Variants in MCC observed in about 807,000 individuals in gnomAD.
MCC encodes the protein MCC regulator of Wnt signaling pathway, also known as colorectal mutant cancer protein.
Under a neutral mutation model 116.2 loss-of-function variants are expected in MCC, and 90 were observed. That is an observed-to-expected ratio of 0.77 (90% CI 0.65 to 0.92). The LOEUF is 0.92. Among genes scored for constraint, MCC ranks in the 40% least tolerant of loss-of-function variants. The probability of loss-of-function intolerance (pLI) is 0.00; values close to 1 mark genes in which losing one functional copy is unlikely to be tolerated. For missense variants in MCC, 1,516 were observed against 1,312.2 expected, an observed-to-expected ratio of 1.16 and a Z score of -2.40; for synonymous variants, 578 against 510.5, an observed-to-expected ratio of 1.13 and a Z score of -1.78.
At chr5:113,404,097 C>T (rs1044849708) in intron 1 of MCC, among the ~76,000 whole-genome samples, 7 of 152,066 alleles carry the variant, frequency 4.6e-5, no homozygotes, top group African/African-American at 1.4e-4. Flanking sequence ...GAACTCCTGA[C>T]CTCAGGTGAT....
intron 1 of MCC, among the ~76,000 whole-genome samples, chr5:113,481,195 C>G (rs1229242344): frequency 6.6e-6 from 1 of 152,076 alleles, no homozygotes; most frequent in Non-Finnish European, 1.5e-5. Context: ...TATATATGTA[C>G]AAGAGTGCAA....
At chr5:113,435,730 TAGG>T (rs1316772687) in intron 1 of MCC, 1 of 152,374 alleles carries the variant, frequency 6.6e-6, no homozygotes, top group Non-Finnish European at 1.5e-5. Context: ...AGCAGCTCTG[TAGG>T]AGGACAGCTG....
At chr5:113,119,387 G>C (rs114555004) in intron 6 of MCC, among the ~76,000 whole-genome samples, 1 of 152,188 alleles carries the variant, frequency 6.6e-6, no homozygotes, top group Non-Finnish European at 1.5e-5. Context: ...GGGGGGCCTT[G>C]GTGGAGACAG....
intron 2 of MCC, among the ~76,000 whole-genome samples, chr5:113,360,832 C>T (rs1420835953): frequency 3.3e-5 from 5 of 152,146 alleles, no homozygotes; most frequent in African/African-American, 1.2e-4. Context: ...CTGCCAATGT[C>T]ATTGTAGAGT....
rs1750429710 is a variant in MCC, at chr5:113,024,990, A to C, written c.*2312T>G. The C allele has an allele frequency of 6.7e-6, 1 of 149,464 alleles. No individual in the cohort carries two copies. The highest frequency in any genetic ancestry group is 2.5e-5 in the African/African-American group (1 of 40,214). The allele number at this position is 149,464 out of a possible 1,614,324, so 9.3% of individuals were successfully genotyped here. On this transcript the variant is annotated 3_prime_UTR_variant, in exon 19 of 19. Coordinates refer to ENST00000408903, the MANE Select transcript of MCC (RefSeq NM_001085377.2). ...AGCATGAGTAAAACTGGGGCCCTTA[A>C]CAGGAGCTGGAGCCGCCTCTGCCTG...
At chr5:113,034,930 G>A (rs1561737132) in intron 17 of MCC, among the ~76,000 whole-genome samples, 3 of 152,064 alleles carry the variant, frequency 2.0e-5, no homozygotes, top group Non-Finnish European at 4.4e-5. Context: ...ACAAAATACT[G>A]GGTGTTGTTT....
At chr5:113,420,433 T>G (rs945385462) in intron 1 of MCC, among the ~76,000 whole-genome samples, 1 of 152,144 alleles carries the variant, frequency 6.6e-6, no homozygotes, top group African/African-American at 2.4e-5. Context: ...TTGAGCAACT[T>G]TATAAGGTTT....
At chr5:113,249,373 C>T (rs1294784982) in intron 3 of MCC, among the ~76,000 whole-genome samples, 1 of 152,206 alleles carries the variant, frequency 6.6e-6, no homozygotes, top group Admixed American at 6.5e-5. Flanking sequence ...GACTTACCAA[C>T]TTTACTGAGA....
At chr5:113,258,950 T>C (rs759044404) in intron 3 of MCC, among the ~76,000 whole-genome samples, 2 of 152,238 alleles carry the variant, frequency 1.3e-5, no homozygotes, top group Non-Finnish European at 2.9e-5. Flanking sequence ...TCTGTACTAC[T>C]CCGACCACAT....
chr5:113,224,860 G>C (rs1763676810), intron 3 of MCC, among the ~76,000 whole-genome samples: 1 of 152,186 alleles, frequency 6.6e-6, no homozygotes, highest in Non-Finnish European at 1.5e-5. Context: ...CTTAGGAAAA[G>C]ATTTGCCACA....
In MCC at chr5:113,085,282, C is replaced by T; in HGVS notation, c.1427G>A (p.Ser476Asn). 1 of 1,613,910 alleles carries T rather than the reference C, an allele frequency of 6.2e-7. No individual in the cohort carries two copies. The highest frequency in any genetic ancestry group is 1.1e-5 in the South Asian group (1 of 91,042). The change falls in exon 9 of 19, where the codon AGC (serine) becomes AAC (asparagine). Residue 476 changes from serine (S) to asparagine (N), a missense_variant. Transcript: ENST00000408903. ...RVRELQTRLQSVQATGPSSPG... is the reference protein window; with the variant it reads ...RVRELQTRLQNVQATGPSSPG... ...GCTGGAGGGACCTGTGGCCTGCACG[C>T]TCTGTAGTCGAGTTTGAAGCTCTCT...
Position 113,143,300 on chromosome 5 carries a change from A to G in MCC, c.802T>C (p.Tyr268His), listed in dbSNP as rs369799149. The G allele has an allele frequency of 5.0e-6, 8 of 1,613,764 alleles. No individual in the cohort carries two copies. The highest frequency in any genetic ancestry group is 6.8e-6 in the Non-Finnish European group (8 of 1,179,968). ...TGGAGCTCTGTGATGCGTTCCTCAT[A>G]GCGAAGTGTCGTTCGCTCCTGGACA... ...EDVQERTTLR[Y>H]EERITELHSV... Residue 268 changes from tyrosine to histidine, a missense_variant, in exon 5 of 19, where the codon TAT (tyrosine) becomes CAT (histidine). Coordinates refer to ENST00000408903, the MANE Select transcript of MCC (RefSeq NM_001085377.2).
At chr5:113,241,569 C>T (rs1327718471) in intron 3 of MCC, among the ~76,000 whole-genome samples, 3 of 152,198 alleles carry the variant, frequency 2.0e-5, no homozygotes, top group African/African-American at 7.2e-5. Flanking sequence ...GATTGGACCT[C>T]CAGGTCTCTG....
chr5:113,357,244 G>T (rs1768436203), intron 2 of MCC, among the ~76,000 whole-genome samples: 1 of 152,160 alleles, frequency 6.6e-6, no homozygotes, highest in African/African-American at 2.4e-5. Context: ...GCCATTATCT[G>T]ATCACACTTC....
chr5:113,124,503 G>A (rs1351781045), intron 5 of MCC, among the ~76,000 whole-genome samples: 1 of 152,166 alleles, frequency 6.6e-6, no homozygotes, highest in African/African-American at 2.4e-5. Flanking sequence ...TGTTTCTTTG[G>A]TATAAATGGC....
At chr5:113,061,750 G>A (rs1580959167) in intron 14 of MCC, among the ~76,000 whole-genome samples, 1 of 152,216 alleles carries the variant, frequency 6.6e-6, no homozygotes, top group African/African-American at 2.4e-5. Flanking sequence ...TTGAGGGGCA[G>A]TTGATGGACA....
At chr5:113,241,551 T>C (rs1764369375) in intron 3 of MCC, among the ~76,000 whole-genome samples, 1 of 152,198 alleles carries the variant, frequency 6.6e-6, no homozygotes, top group South Asian at 2.1e-4. Flanking sequence ...TAAGTTTATT[T>C]AGAGAGAGAT....
chr5:113,085,486 T>A (rs1484020723), intron 8 of MCC, among the ~76,000 whole-genome samples, 176 bp from the exon 9 acceptor site: 1 of 152,192 alleles, frequency 6.6e-6, no homozygotes, highest in African/African-American at 2.4e-5. Flanking sequence ...TAATAATTTT[T>A]TTTTAATGAA....
At chr5:113,156,708 C>A (rs191769610) in intron 3 of MCC, among the ~76,000 whole-genome samples, 86 of 152,248 alleles carry the variant, frequency 5.6e-4, no homozygotes, top group Non-Finnish European at 9.3e-4. Flanking sequence ...GGATATAGAT[C>A]CACACATTCC....
Sources: gnomAD v4.1 joint callset for allele counts (sites outside exome capture counted in the v4.1 genomes callset) on GRCh38, gnomAD v4.1.1 for gene constraint, MANE v1.5 for transcripts, NCBI Gene and HGNC (gene_info 2026-07-23, HGNC 2026-07-21) for gene names.